The following CALN1 variants were observed in gnomAD, a reference collection of about 807,000 sequenced individuals.
CALN1 encodes calcium-binding protein 8.
A neutral mutation model predicts 30.6 loss-of-function variants in CALN1; 17 were observed. That is an observed-to-expected ratio of 0.56 (90% CI 0.38 to 0.83). The LOEUF (loss-of-function observed/expected upper bound fraction) is 0.83. Ranked by LOEUF, CALN1 falls within the 40% of genes least tolerant of loss-of-function variation. The pLI is 0.00. For missense variants in CALN1, 291 were observed against 354.9 expected, an observed-to-expected ratio of 0.82 and a Z score of 1.45; for synonymous variants, 156 against 131.4, an observed-to-expected ratio of 1.19 and a Z score of -1.28.
chr7:71,932,114 A>G (rs1256043205), intron 5 of CALN1, among the ~76,000 whole-genome samples: 1 of 152,200 alleles, frequency 6.6e-6, no homozygotes, highest in African/African-American at 2.4e-5. Flanking sequence ...CCAGGTTGTC[A>G]GTGTGCTTTG....
At chr7:72,323,058 A>G (rs987098364) in intron 2 of CALN1, among the ~76,000 whole-genome samples, 7 of 129,502 alleles carry the variant, frequency 5.4e-5, no homozygotes, top group East Asian at 2.4e-4. Context: ...AACCACACAG[A>G]AAAAAAAAAA....
At chr7:71,947,596 C>T (rs1402160569) in intron 5 of CALN1, among the ~76,000 whole-genome samples, 2 of 152,060 alleles carry the variant, frequency 1.3e-5, no homozygotes, top group Non-Finnish European at 2.9e-5. Flanking sequence ...CTAAAAATCT[C>T]CACATAAATG....
At chr7:72,220,034 ATTTT>A (rs1026508850) in intron 3 of CALN1, among the ~76,000 whole-genome samples, 8 of 151,826 alleles carry the variant, frequency 5.3e-5, no homozygotes, top group East Asian at 1.9e-4. Context: ...TTTTTTTATA[ATTTT>A]TTTTGTTTTA....
intron 3 of CALN1, among the ~76,000 whole-genome samples, chr7:72,196,953 C>T (rs1791054823): frequency 6.6e-6 from 1 of 151,976 alleles, no homozygotes; most frequent in Non-Finnish European, 1.5e-5. Context: ...TAAGATTTTC[C>T]TTTTTTGTTT....
At chr7:71,845,667 G>A (rs1448708942) in intron 5 of CALN1, among the ~76,000 whole-genome samples, 16 of 152,126 alleles carry the variant, frequency 1.1e-4, no homozygotes, top group South Asian at 2.1e-4. Flanking sequence ...CTCAGGCCCC[G>A]TCCAGAGACT....
intron 3 of CALN1, among the ~76,000 whole-genome samples, chr7:72,165,038 A>G (rs1788426129): frequency 6.6e-6 from 1 of 152,144 alleles, no homozygotes; most frequent in African/African-American, 2.4e-5. Context: ...TACATTTACC[A>G]AATTCATCAA....
At chr7:72,400,960 G>A (rs905508801) in intron 2 of CALN1, among the ~76,000 whole-genome samples, 1 of 152,104 alleles carries the variant, frequency 6.6e-6, no homozygotes, top group South Asian at 2.1e-4. Context: ...TTCTAACTTC[G>A]CCTGCCCTGC....
intron 6 of CALN1, among the ~76,000 whole-genome samples, chr7:71,788,934 A>G (rs1793152080): frequency 6.6e-6 from 1 of 152,040 alleles, no homozygotes; most frequent in African/African-American, 2.4e-5. Flanking sequence ...CTGGGATTAC[A>G]GGCGTGAGCC....
the CALN1 span, among the ~76,000 whole-genome samples, chr7:72,472,369 C>T: frequency 1.3e-5 from 2 of 152,152 alleles, no homozygotes; most frequent in Non-Finnish European, 2.9e-5. Context: ...TGCCTGGGAT[C>T]GAGCCCCATG....
At chr7:72,351,360 G>C (rs1246075502) in intron 2 of CALN1, among the ~76,000 whole-genome samples, 1 of 152,072 alleles carries the variant, frequency 6.6e-6, no homozygotes, top group African/African-American at 2.4e-5. Flanking sequence ...ATAGCCATCA[G>C]GCTGAAGTAA....
chr7:71,847,778 AGAAGAAGAAG>A (rs1790381240), intron 5 of CALN1, among the ~76,000 whole-genome samples: 4 of 150,036 alleles, frequency 2.7e-5, no homozygotes, highest in Admixed American at 1.3e-4. Context: ...AGAAGAAAGA[AGAAGAAGAAG>A]AAGAAGAAAA....
At chr7:71,932,335 C>A (rs962505716) in intron 5 of CALN1, among the ~76,000 whole-genome samples, 1 of 152,064 alleles carries the variant, frequency 6.6e-6, no homozygotes, top group Admixed American at 6.5e-5. Flanking sequence ...ACCACCATGC[C>A]CAGCTATTTT....
intron 3 of CALN1, among the ~76,000 whole-genome samples, chr7:72,209,871 G>C (rs796767019): frequency 9.2e-5 from 14 of 152,240 alleles, no homozygotes; most frequent in African/African-American, 3.4e-4. Flanking sequence ...CTAGGGGCTG[G>C]TTATCCCACT....
chr7:71,982,851 G>C (rs1013129761), intron 5 of CALN1, among the ~76,000 whole-genome samples: 5 of 152,168 alleles, frequency 3.3e-5, no homozygotes, highest in African/African-American at 9.7e-5. Context: ...TTGCATGGGT[G>C]AATGCCGGCA....
chr7:72,291,366 G>A (rs1414352955), intron 2 of CALN1, among the ~76,000 whole-genome samples: 2 of 152,110 alleles, frequency 1.3e-5, no homozygotes, highest in East Asian at 1.9e-4. Flanking sequence ...GTCATTTGTT[G>A]AGGGGAGGAA....
intron 5 of CALN1, among the ~76,000 whole-genome samples, chr7:71,936,399 CAAAA>C (rs745646988): frequency 5.4e-5 from 4 of 74,664 alleles, no homozygotes; most frequent in African/African-American, 4.6e-5. Context: ...GACTCAGTCT[CAAAA>C]AAAAAAAAAA....
At chr7:72,348,402 G>C (rs1802753529) in intron 2 of CALN1, among the ~76,000 whole-genome samples, 1 of 152,200 alleles carries the variant, frequency 6.6e-6, no homozygotes, top group Non-Finnish European at 1.5e-5. Flanking sequence ...TAAATTGAGG[G>C]ATCAGAGTTC....
At chr7:72,247,342 G>A (rs947984894) in intron 3 of CALN1, among the ~76,000 whole-genome samples, 5 of 134,632 alleles carry the variant, frequency 3.7e-5, no homozygotes, top group Non-Finnish European at 6.1e-5. Context: ...TCCGCCTCCC[G>A]GTTCACGCCA....
chr7:72,140,010 C>T (rs1809778168), intron 3 of CALN1, among the ~76,000 whole-genome samples: 1 of 152,030 alleles, frequency 6.6e-6, no homozygotes, highest in Non-Finnish European at 1.5e-5. Context: ...TCAGAAGTGT[C>T]CTGTAATCTC....
Sources: allele counts gnomAD v4.1 joint callset (sites outside exome capture counted in the v4.1 genomes callset), GRCh38; gene constraint gnomAD v4.1.1; transcripts MANE v1.5; gene names NCBI Gene and HGNC (gene_info 2026-07-23, HGNC 2026-07-21).